The following PCDH9 variants were observed in gnomAD, a reference collection of about 807,000 sequenced individuals.
PCDH9 encodes the protein protocadherin 9.
In PCDH9, 24 loss-of-function variants were observed where a neutral mutation model predicts 70.6. The observed-to-expected ratio is 0.34, with a 90% confidence interval of 0.25 to 0.48. PCDH9 has a LOEUF of 0.48. Among genes scored for constraint, PCDH9 ranks in the 20% least tolerant of loss-of-function variants. The probability of loss-of-function intolerance (pLI) is 0.99; values close to 1 mark genes in which losing one functional copy is unlikely to be tolerated. For missense variants in PCDH9, 1,281 were observed against 1,503.6 expected (o/e 0.85, Z 2.45); for synonymous variants, 562 against 558.5 (o/e 1.01, Z -0.09).
intron 2 of PCDH9, among the ~76,000 whole-genome samples, chr13:67,115,217 T>A (rs531818197): frequency 6.6e-6 from 1 of 152,354 alleles, no homozygotes; most frequent in East Asian, 1.9e-4. Flanking sequence ...TTGTCAGCAT[T>A]GTTTAGTAAT....
At chr13:66,590,112 C>T (rs575244829) in intron 4 of PCDH9, among the ~76,000 whole-genome samples, 1 of 151,854 alleles carries the variant, frequency 6.6e-6, no homozygotes, top group South Asian at 2.1e-4. Context: ...GGGAAAAATA[C>T]GGAGAACCCT....
At chr13:66,349,808 T>C (rs1956266107) in intron 4 of PCDH9, among the ~76,000 whole-genome samples, 1 of 152,174 alleles carries the variant, frequency 6.6e-6, no homozygotes, top group African/African-American at 2.4e-5. Flanking sequence ...GCCGCATGTC[T>C]TAACAAGGTT....
intron 3 of PCDH9, among the ~76,000 whole-genome samples, chr13:66,826,858 T>C (rs2080832716): frequency 6.6e-6 from 1 of 152,160 alleles, no homozygotes; most frequent in African/African-American, 2.4e-5. Context: ...AACCTTGATT[T>C]GCTAAAGAAA....
intron 4 of PCDH9, among the ~76,000 whole-genome samples, chr13:66,490,491 T>C (rs1315003744): frequency 6.6e-6 from 1 of 152,208 alleles, no homozygotes; most frequent in Non-Finnish European, 1.5e-5. Context: ...AGAGGATTTT[T>C]TAAGGGTGTA....
chr13:67,102,532 T>C (rs565497622), intron 2 of PCDH9, among the ~76,000 whole-genome samples: 5 of 151,786 alleles, frequency 3.3e-5, no homozygotes, highest in African/African-American at 9.7e-5. Context: ...CACTTTCAAA[T>C]AGAAAAAAAA....
chr13:66,799,276 AG>A lies in PCDH9; in HGVS notation c.3138+104227del, dbSNP rs370032117. On this transcript the variant is annotated intron_variant, in intron 3 of 4. Coordinates refer to ENST00000377865, the MANE Select transcript of PCDH9 (RefSeq NM_203487.3). ...AGATAGTCTATGCGGTCAAGTGGTC[AG>A]GAAGGTAAGCATACTGACGGAACGA... is the stretch of plus-strand genomic sequence containing the variant. Among the ~76,000 whole-genome samples, 194 of 152,328 alleles carry A rather than the reference AG, an allele frequency of 1.3e-3. No homozygotes were observed. In the Middle Eastern group the frequency reaches 0.017, roughly 13 times the overall value.
chr13:66,406,776 A>G (rs528865510), intron 4 of PCDH9, among the ~76,000 whole-genome samples: 5 of 152,350 alleles, frequency 3.3e-5, no homozygotes, highest in African/African-American at 1.2e-4. Context: ...AACTAAAACA[A>G]CCATAGAAAT....
intron 2 of PCDH9, among the ~76,000 whole-genome samples, chr13:67,059,370 G>GTGTGTA (rs2085489316): frequency 1.4e-5 from 2 of 140,898 alleles, no homozygotes; most frequent in African/African-American, 2.6e-5. Context: ...TATATAGTGT[G>GTGTGTA]TATATATATA....
chr13:66,500,738 C>T (rs1358937516), intron 4 of PCDH9, among the ~76,000 whole-genome samples: 3 of 151,990 alleles, frequency 2.0e-5, no homozygotes, highest in Non-Finnish European at 4.4e-5. Context: ...TGCTGTCTTG[C>T]TTTTCCTATA....
chr13:66,562,079 G>A (rs1015317858), intron 4 of PCDH9, among the ~76,000 whole-genome samples: 3 of 151,792 alleles, frequency 2.0e-5, no homozygotes, highest in African/African-American at 7.3e-5. Context: ...CTCCAGAAAC[G>A]CCACCTTAAG....
intron 2 of PCDH9, among the ~76,000 whole-genome samples, chr13:67,070,669 C>G (rs145621175): frequency 1.9e-4 from 29 of 152,236 alleles, no homozygotes; most frequent in Non-Finnish European, 1.5e-5. Context: ...TCATTAGATT[C>G]AGTCTTAATG....
At chr13:66,560,987 G>A (rs1020743684) in intron 4 of PCDH9, among the ~76,000 whole-genome samples, 1 of 152,234 alleles carries the variant, frequency 6.6e-6, no homozygotes, top group African/African-American at 2.4e-5. Context: ...CCTTCAGCCT[G>A]CCGCTGCACT....
chr13:66,822,797 T>C lies in PCDH9; in HGVS notation c.3138+80707A>G, dbSNP rs1445637442. Among the ~76,000 whole-genome samples, 3 of 152,230 alleles carry C rather than the reference T, an allele frequency of 2.0e-5. No homozygotes were observed. The East Asian group carries it at 5.8e-4, about 29-fold the overall frequency. ...TGCTGGGATTACAGGTGTGAGCCAC[T>C]GCACTCGGATGATATTCTGGATCTT... On this transcript the variant is annotated intron_variant, in intron 3 of 4. Transcript: ENST00000377865.
At chr13:66,467,134 GTACAT>G (rs1275614458) in intron 4 of PCDH9, among the ~76,000 whole-genome samples, 8 of 152,112 alleles carry the variant, frequency 5.3e-5, no homozygotes, top group Non-Finnish European at 7.4e-5. Flanking sequence ...CACCAAAAAA[GTACAT>G]TACATCTAAG....
At chr13:67,011,680 A>G (rs1364132585) in intron 2 of PCDH9, among the ~76,000 whole-genome samples, 1 of 151,968 alleles carries the variant, frequency 6.6e-6, no homozygotes, top group Non-Finnish European at 1.5e-5. Context: ...CAAATTAAAC[A>G]TAACAGTACT....
intron 4 of PCDH9, among the ~76,000 whole-genome samples, chr13:66,611,733 G>C (rs1182992937): frequency 2.0e-5 from 3 of 152,180 alleles, no homozygotes; most frequent in Non-Finnish European, 2.9e-5. Context: ...CTTGTTTGTT[G>C]TGAGGACGGA....
intron 3 of PCDH9, among the ~76,000 whole-genome samples, chr13:66,682,783 T>C (rs2078346027): frequency 6.6e-6 from 1 of 152,172 alleles, no homozygotes; most frequent in Non-Finnish European, 1.5e-5. Context: ...TTTATCTAAT[T>C]ACTTTCAAAG....
intron 3 of PCDH9, among the ~76,000 whole-genome samples, chr13:66,637,797 C>G (rs1324467560): frequency 1.3e-5 from 2 of 151,888 alleles, no homozygotes; most frequent in East Asian, 3.9e-4. Flanking sequence ...ACCTGTAGTC[C>G]CAGCTACTTG....
At chr13:66,737,425 C>A (rs1211249387) in intron 3 of PCDH9, among the ~76,000 whole-genome samples, 1 of 152,218 alleles carries the variant, frequency 6.6e-6, no homozygotes, top group Non-Finnish European at 1.5e-5. Context: ...GGGCTACCCA[C>A]ATGAGTTGGC....
Sources: gnomAD v4.1 joint callset for allele counts (sites outside exome capture counted in the v4.1 genomes callset) on GRCh38, gnomAD v4.1.1 for gene constraint, MANE v1.5 for transcripts, NCBI Gene and HGNC (gene_info 2026-07-23, HGNC 2026-07-21) for gene names.